ACVR1: variants seen among roughly 807,000 people sequenced by gnomAD.
The protein encoded by ACVR1 is activin receptor type-1.
A neutral mutation model predicts 57.1 loss-of-function variants in ACVR1; 38 were observed. The ratio of observed to expected loss-of-function variants is 0.67; its 90% CI spans 0.51 to 0.87. ACVR1 has a LOEUF of 0.87. Ranked by LOEUF, ACVR1 falls within the 40% of genes least tolerant of loss-of-function variation. The pLI, the probability that ACVR1 is intolerant of heterozygous loss-of-function variation, is 0.00. For synonymous variants in ACVR1, 212 were observed against 228.1 expected (o/e 0.93, Z 0.63); for missense variants, 463 against 638.2 (o/e 0.73, Z 2.96).
chr2:157,805,164 A>G (rs1260670828), intron 2 of ACVR1, among the ~76,000 whole-genome samples: 4 of 152,250 alleles, frequency 2.6e-5, no homozygotes, highest in African/African-American at 9.6e-5. Flanking sequence ...ACAGTTAACT[A>G]TAATATTGAG....
chr2:157,841,348 T>C (rs1346131418), intron 1 of ACVR1, among the ~76,000 whole-genome samples: 1 of 152,182 alleles, frequency 6.6e-6, no homozygotes, highest in Non-Finnish European at 1.5e-5. Context: ...GTCATTATTT[T>C]ATCTGAAGTT....
chr2:157,826,684 A>G (rs1688365612), intron 1 of ACVR1: 1 of 146,248 alleles, frequency 6.8e-6, no homozygotes, highest in South Asian at 2.1e-4. Flanking sequence ...AAGAAAAGAA[A>G]GAAAAAGAGA....
intron 1 of ACVR1, among the ~76,000 whole-genome samples, chr2:157,873,403 T>C (rs983261325): frequency 6.6e-6 from 1 of 152,208 alleles, no homozygotes; most frequent in African/African-American, 2.4e-5. Context: ...ACCCCTAAAC[T>C]ATCCTGTCAT....
intron 3 of ACVR1, among the ~76,000 whole-genome samples, chr2:157,781,785 T>C (rs1195567518): frequency 6.6e-6 from 1 of 152,248 alleles, no homozygotes; most frequent in Non-Finnish European, 1.5e-5. Flanking sequence ...GTATGATTAG[T>C]TTAGACTTGC....
At chr2:157,873,982 A>C (rs1335429445) in intron 1 of ACVR1, among the ~76,000 whole-genome samples, 1 of 152,158 alleles carries the variant, frequency 6.6e-6, no homozygotes, top group African/African-American at 2.4e-5. Flanking sequence ...TCAAATGATC[A>C]CTCTCTTCCA....
chr2:157,762,163 C>T (rs1039000912), intron 8 of ACVR1, among the ~76,000 whole-genome samples: 1 of 152,184 alleles, frequency 6.6e-6, no homozygotes, highest in Non-Finnish European at 1.5e-5. Flanking sequence ...TTCCCAAATC[C>T]TATGCAATAG....
At chr2:157,805,493 G>GT (rs1358737213) in intron 2 of ACVR1, among the ~76,000 whole-genome samples, 12 of 152,230 alleles carry the variant, frequency 7.9e-5, no homozygotes, top group Admixed American at 3.9e-4. Context: ...TTCCATCACA[G>GT]TTTTTTTCTT....
Position 157,876,224 on chromosome 2 carries a change from C to T in ACVR1, c.-611G>A, listed in dbSNP as rs1690291845. 6.7e-6 allele frequency among the ~76,000 whole-genome samples: 1 copy of T among 148,422 alleles called. No homozygotes were observed. Among genetic ancestry groups the T allele is most frequent in the South Asian group, 2.1e-4 (1 of 4,710 alleles). On this transcript the variant is annotated 5_prime_UTR_variant, in exon 1 of 11. Coordinates refer to ENST00000434821, the MANE Select transcript of ACVR1 (RefSeq NM_001111067.4). ...ACGACCGCGGGCGGGGCGGGCGGAC[C>T]AGCTGGGCTTGCCCCCGGGGGCGGC... is the stretch of plus-strand genomic sequence containing the variant.
Position 157,752,147 on chromosome 2 carries a change from C to G in ACVR1, c.1264+8733G>C, listed in dbSNP as rs1292619011. On this transcript the variant is annotated intron_variant, in intron 9 of 10. Coordinates refer to ENST00000434821, the MANE Select transcript of ACVR1 (RefSeq NM_001111067.4). Reference sequence around the variant, plus strand: ...ATCACAGGACTCTGTGCAGACACCCCCCAATACCACCTGGATACTGGTAGC... The same window carrying G: ...ATCACAGGACTCTGTGCAGACACCCGCCAATACCACCTGGATACTGGTAGC... Among the ~76,000 whole-genome samples, 3 of 152,296 alleles carry G rather than the reference C, an allele frequency of 2.0e-5. 1 individual carries two copies. The South Asian group carries it at 6.2e-4, about 32-fold the overall frequency.
chr2:157,841,170 G>C (rs182542373), intron 1 of ACVR1, among the ~76,000 whole-genome samples: 1 of 152,092 alleles, frequency 6.6e-6, no homozygotes, highest in East Asian at 1.9e-4. Context: ...AAAAAGTGGG[G>C]ATATTAAAGT....
chr2:157,857,398 G>GAA lies in ACVR1; in HGVS notation c.-183+18396_-183+18397dup, dbSNP rs1184090040. On this transcript the variant is annotated intron_variant, in intron 1 of 10. Coordinates refer to ENST00000434821, the MANE Select transcript of ACVR1 (RefSeq NM_001111067.4). Reference sequence around the variant, plus strand: ...CCTCAAGGAAATTATAAACTAATTGGAAAAAAAAAAAAAGAAGAAGATACC... The same window carrying GAA: ...CCTCAAGGAAATTATAAACTAATTGGAAAAAAAAAAAAAAAGAAGAAGATACC... Among the ~76,000 whole-genome samples, 12 of 137,506 alleles carry GAA rather than the reference G, an allele frequency of 8.7e-5. No homozygotes were observed. In the South Asian group the frequency reaches 2.5e-3, roughly 29 times the overall value. The allele number at this position is 137,506 out of a possible 152,430, so 90.2% of individuals were successfully genotyped here.
At chr2:157,761,311 A>G (rs539881863) in intron 8 of ACVR1, among the ~76,000 whole-genome samples, 25 of 152,290 alleles carry the variant, frequency 1.6e-4, no homozygotes, top group Non-Finnish European at 2.6e-4. Flanking sequence ...TATGAACCTC[A>G]AAGAGACAAA....
chr2:157,852,278 G>A (rs955666684), intron 1 of ACVR1, among the ~76,000 whole-genome samples: 22 of 151,914 alleles, frequency 1.4e-4, no homozygotes, highest in Admixed American at 5.9e-4. Context: ...CGGGTGGATC[G>A]CTTGAGCTCA....
intron 8 of ACVR1, among the ~76,000 whole-genome samples, chr2:157,765,084 C>T (rs1342954776): frequency 6.6e-6 from 1 of 152,088 alleles, no homozygotes; most frequent in East Asian, 1.9e-4. Context: ...CCTGAATTCT[C>T]ATTAGCACAA....
At chr2:157,805,828 T>TTC (rs1477039536) in intron 2 of ACVR1, among the ~76,000 whole-genome samples, 4 of 141,282 alleles carry the variant, frequency 2.8e-5, no homozygotes, top group African/African-American at 1.0e-4. Context: ...TTCTTTTTTT[T>TTC]TTTTTTTTTT....
intron 1 of ACVR1, among the ~76,000 whole-genome samples, chr2:157,834,398 A>AT (rs1359898917): frequency 1.3e-5 from 2 of 151,332 alleles, no homozygotes; most frequent in Non-Finnish European, 2.9e-5. Flanking sequence ...CAGCCTGGTA[A>AT]TTTTTTTTTA....
rs144138526 is a variant in ACVR1 at position 157,823,603 on chromosome 2, G to T, written c.-182-5044C>A. On this transcript the variant is annotated intron_variant, in intron 1 of 10. Coordinates refer to ENST00000434821, the MANE Select transcript of ACVR1 (RefSeq NM_001111067.4). ...GATGGGCTTTCCTAATGTTTTGGCC[G>T]AAATATTAGAGCACCTTTCTCCTCC... Among the ~76,000 whole-genome samples the T allele has an allele frequency of 9.3e-3, 1,415 of 152,252 alleles. 22 individuals are homozygous for T. Among genetic ancestry groups the T allele is most frequent in the African/African-American group, 0.032 (1,312 of 41,546 alleles).
intron 3 of ACVR1, among the ~76,000 whole-genome samples, chr2:157,794,106 C>T (rs1687021467): frequency 6.6e-6 from 1 of 152,138 alleles, no homozygotes; most frequent in South Asian, 2.1e-4. Context: ...GAGCAATATT[C>T]CCTTTAAAGT....
intron 1 of ACVR1, among the ~76,000 whole-genome samples, chr2:157,867,984 T>C (rs1026662274): frequency 2.0e-5 from 3 of 152,192 alleles, no homozygotes; most frequent in African/African-American, 7.2e-5. Context: ...TTCCAGCCTG[T>C]CATTCAAAGT....
Sources: allele counts gnomAD v4.1 joint callset (sites outside exome capture counted in the v4.1 genomes callset), GRCh38; gene constraint gnomAD v4.1.1; transcripts MANE v1.5; gene names NCBI Gene and HGNC (gene_info 2026-07-23, HGNC 2026-07-21).